The following CARS2 variants were observed in gnomAD, a reference collection of about 807,000 sequenced individuals.
CARS2 encodes the protein cysteinyl-tRNA synthetase 2, mitochondrial, also known as probable cysteine--tRNA ligase, mitochondrial.
Under a neutral mutation model 68.8 loss-of-function variants are expected in CARS2, and 52 were observed. The ratio of observed to expected loss-of-function variants is 0.76; its 90% CI spans 0.61 to 0.95. The LOEUF (loss-of-function observed/expected upper bound fraction) is 0.95. Ranked by LOEUF, CARS2 falls within the 40% of genes least tolerant of loss-of-function variation. The probability of loss-of-function intolerance (pLI) is 0.00; values close to 1 mark genes in which losing one functional copy is unlikely to be tolerated. For synonymous variants in CARS2, 314 were observed against 303.6 expected, an observed-to-expected ratio of 1.03 and a Z score of -0.36; for missense variants, 780 against 754.2, an observed-to-expected ratio of 1.03 and a Z score of -0.40.
chr13:110,708,846 C>T (rs2064003943), upstream of CARS2, among the ~76,000 whole-genome samples: 1 of 151,824 alleles, frequency 6.6e-6, no homozygotes, highest in Admixed American at 6.6e-5. Context: ...CTCCACCTCC[C>T]AGATTCAAGT....
At chr13:110,701,623 A>G in intron 2 of CARS2, 68 bp from the exon 3 acceptor site, 1 of 803,948 alleles carries the variant, frequency 1.2e-6, no homozygotes. Flanking sequence ...TAAAAAATCC[A>G]TTACATTTTA....
intron 3 of CARS2, among the ~76,000 whole-genome samples, chr13:110,701,124 A>G (rs1220154694): frequency 6.6e-6 from 1 of 151,812 alleles, no homozygotes; most frequent in Non-Finnish European, 1.5e-5. Context: ...GTGCAGTGGC[A>G]CAATCTCCGC....
At chr13:110,679,637 C>T (rs1183947894) in intron 6 of CARS2, among the ~76,000 whole-genome samples, 1 of 59,570 alleles carries the variant, frequency 1.7e-5, no homozygotes, top group Non-Finnish European at 3.2e-5. Context: ...GAGGGAGGGA[C>T]ACCGGGCGTG....
chr13:110,699,888 A>G (rs1451247351), intron 3 of CARS2, among the ~76,000 whole-genome samples: 2 of 152,014 alleles, frequency 1.3e-5, no homozygotes, highest in African/African-American at 4.8e-5. Context: ...TGCCTGTACA[A>G]CCTCATCCAC....
chr13:110,666,460 T>C, intron 8 of CARS2: 1 of 985,332 alleles, frequency 1.0e-6, no homozygotes, highest in African/African-American at 1.7e-5. Flanking sequence ...TAGGTAATGG[T>C]AGGGGCAGAG....
In CARS2 at chr13:110,705,873, G is replaced by A. The variant is rs2063932913; in HGVS notation, c.221C>T (p.Ser74Phe). The A allele has an allele frequency of 6.4e-7, 1 of 1,558,822 alleles. No homozygotes were observed. The highest frequency in any genetic ancestry group is 8.7e-7 in the Non-Finnish European group (1 of 1,154,486). Reference sequence around the variant, plus strand: ...GCCCCAGTCCCGCGCGGCCCACCAGGAGGCGGCTTCGGCGTGCGCCACGAT... The same window carrying A: ...GCCCCAGTCCCGCGCGGCCCACCAGAAGGCGGCTTCGGCGTGCGCCACGAT... ...PLIVAHAEAA[S>F]WYSCGPTVYD... The change falls in exon 1 of 15, where the codon TCC (serine) becomes TTC (phenylalanine). Residue 74 changes from serine (S) to phenylalanine (F), a missense_variant. Physicochemically the swap from Ser to Phe is radical, Grantham distance 155. Coordinates refer to ENST00000257347, the MANE Select transcript of CARS2 (RefSeq NM_024537.4). The surrounding 1 kb of genome is among the most constrained non-coding windows in gnomAD (Gnocchi z 4.0).
At position 110,687,844 on chromosome 13, in the gene CARS2, C is replaced by G; in HGVS notation, c.466-18G>C. 3.2e-6 allele frequency: 5 copies of G among 1,580,554 alleles called. No homozygotes were observed. The highest frequency in any genetic ancestry group is 4.3e-6 in the Non-Finnish European group (5 of 1,150,560). ...GGGAGAACCTGCAAGGAAGTGGAGA[C>G]GTGACCGTGTTTCCCTCGTGAGAAG... is the stretch of plus-strand genomic sequence containing the variant. On this transcript the variant is annotated intron_variant, in intron 4 of 14. Coordinates refer to ENST00000257347, the MANE Select transcript of CARS2 (RefSeq NM_024537.4).
intron 3 of CARS2, among the ~76,000 whole-genome samples, chr13:110,690,523 A>C (rs1288916667): frequency 6.6e-6 from 1 of 152,188 alleles, no homozygotes; most frequent in Non-Finnish European, 1.5e-5. Flanking sequence ...CATGCTGGAC[A>C]CACTGAGCTG....
chr13:110,676,860 C>T lies in CARS2; in HGVS notation c.785+114G>A, dbSNP rs2062964897. On this transcript the variant is annotated intron_variant, in intron 7 of 14. Coordinates refer to ENST00000257347, the MANE Select transcript of CARS2 (RefSeq NM_024537.4). The surrounding 1 kb of genome is among the most constrained non-coding windows in gnomAD (Gnocchi z 4.0). ...CGGCAAAAATCTCTTCCCAAAAAAT[C>T]ACCCATGGGCACACGTGCCAGGCTG... 1 of 1,325,730 alleles carries T rather than the reference C, an allele frequency of 7.5e-7. No individual in the cohort carries two copies. The highest frequency in any genetic ancestry group is 9.9e-7 in the Non-Finnish European group (1 of 1,007,538). 82.1% of individuals were successfully genotyped at this position (1,325,730 alleles called of 1,614,324 possible).
intron 9 of CARS2, among the ~76,000 whole-genome samples, chr13:110,658,105 A>G (rs1186920577): frequency 6.6e-6 from 1 of 152,156 alleles, no homozygotes; most frequent in Non-Finnish European, 1.5e-5. Flanking sequence ...CTCTTCAAAA[A>G]GTCAACACCA....
chr13:110,684,125 G>A (rs2063230963), intron 5 of CARS2, among the ~76,000 whole-genome samples: 1 of 152,268 alleles, frequency 6.6e-6, no homozygotes, highest in South Asian at 2.1e-4. Flanking sequence ...GTCTCCCTAG[G>A]AAGGAGGCAA....
rs938664310 is a variant in CARS2 at position 110,665,592 on chromosome 13, G to C, written c.919+1748C>G. 1.7e-5 allele frequency: 17 copies of C among 985,358 alleles called. No homozygotes were observed. Among genetic ancestry groups the C allele is most frequent in the African/African-American group, 3.5e-5 (2 of 57,226 alleles). The allele number at this position is 985,358 out of a possible 1,614,324, so 61.0% of individuals were successfully genotyped here. A position where few individuals can be genotyped will look rare whatever the true frequency, so the allele number is the denominator to read the frequency against. On this transcript the variant is annotated intron_variant, in intron 8 of 14. Transcript: ENST00000257347. The surrounding 1 kb of genome is among the most constrained non-coding windows in gnomAD (Gnocchi z 4.3). ...CTTGCCCCCCAGCTCCACACTCGCAGAAGGGCTCACAGCAGGTCATGGTTG... is the reference window on the plus strand; with the variant it reads ...CTTGCCCCCCAGCTCCACACTCGCACAAGGGCTCACAGCAGGTCATGGTTG...
At chr13:110,647,292 C>A in intron 10 of CARS2, 53 bp from the exon 11 acceptor site, 2 of 1,581,326 alleles carry the variant, frequency 1.3e-6, no homozygotes, top group Non-Finnish European at 1.7e-6. Context: ...TGTGCCCCTG[C>A]CCTGGTCCAG....
At chr13:110,651,566 C>A (rs2062215805) in intron 9 of CARS2, among the ~76,000 whole-genome samples, 1 of 152,168 alleles carries the variant, frequency 6.6e-6, no homozygotes, top group African/African-American at 2.4e-5. Context: ...TCAGCCCAGC[C>A]AAGGGGCGAC....
rs1457346374 is a variant in CARS2, at chr13:110,665,687, C to T, written c.919+1653G>A. ...AGAAACGTGCCTGCGGAGGGAGCAA[C>T]TCCAGCTCCTCAGACAGTTCAGGGA... On this transcript the variant is annotated intron_variant, in intron 8 of 14. Transcript: ENST00000257347. The surrounding 1 kb of genome is among the most constrained non-coding windows in gnomAD (Gnocchi z 4.3). 2 of 985,302 alleles carry T rather than the reference C, an allele frequency of 2.0e-6. No homozygotes were observed. Among genetic ancestry groups the T allele is most frequent in the East Asian group, 1.1e-4 (1 of 8,814 alleles). The allele number at this position is 985,302 out of a possible 1,614,324, so 61.0% of individuals were successfully genotyped here. A position where few individuals can be genotyped will look rare whatever the true frequency, so the allele number is the denominator to read the frequency against.
intron 9 of CARS2, among the ~76,000 whole-genome samples, chr13:110,654,932 AAAAGAAAAAGAAAAAAAAAG>A (rs1411170660): frequency 0.016 from 2,107 of 135,520 alleles, 57 homozygotes; most frequent in African/African-American, 0.062. Flanking sequence ...AAAAAAAAAA[AAAAGAAAAAGAAAAAAAAAG>A]AAAAAGAAAA....
intron 5 of CARS2, among the ~76,000 whole-genome samples, chr13:110,686,536 C>T (rs2063309112): frequency 6.6e-6 from 1 of 151,940 alleles, no homozygotes; most frequent in Non-Finnish European, 1.5e-5. Flanking sequence ...TATCAGCCAC[C>T]ACGCCCAGCC....
intron 10 of CARS2, among the ~76,000 whole-genome samples, chr13:110,649,487 GC>G (rs2062143196): frequency 6.6e-6 from 1 of 152,166 alleles, no homozygotes; most frequent in Non-Finnish European, 1.5e-5. Context: ...CAGCCCAGGG[GC>G]TCACCCAAAC....
intron 9 of CARS2, among the ~76,000 whole-genome samples, chr13:110,662,076 G>C (rs188965114): frequency 1.2e-4 from 19 of 152,366 alleles, no homozygotes; most frequent in Non-Finnish European, 2.6e-4. Flanking sequence ...GTGCAGGGCT[G>C]CCACAAACCT....
Sources: gnomAD v4.1 joint callset for allele counts (sites outside exome capture counted in the v4.1 genomes callset) on GRCh38, gnomAD v4.1.1 for gene constraint, Gnocchi (gnomAD v3.1) non-coding constraint, MANE v1.5 for transcripts, NCBI Gene and HGNC (gene_info 2026-07-23, HGNC 2026-07-21) for gene names.